PCSK5: variants seen among roughly 807,000 people sequenced by gnomAD.
PCSK5 encodes proprotein convertase subtilisin/kexin type 5, also known as prohormone convertase 5.
A neutral mutation model predicts 233.2 loss-of-function variants in PCSK5; 129 were observed. The ratio of observed to expected loss-of-function variants is 0.55; its 90% CI spans 0.48 to 0.64. The LOEUF (loss-of-function observed/expected upper bound fraction) is 0.64, where lower values mean the gene tolerates loss of function less well. Among genes scored for constraint, PCSK5 ranks in the 30% least tolerant of loss-of-function variants. The probability of loss-of-function intolerance (pLI) is 0.00; values close to 1 mark genes in which losing one functional copy is unlikely to be tolerated. For missense variants in PCSK5, 2,076 were observed against 2,430.1 expected (o/e 0.85, Z 3.06); for synonymous variants, 825 against 879.2 (o/e 0.94, Z 1.09).
rs775599645 is a variant in PCSK5, at chr9:76,328,193, G to A, written c.4524G>A (p.Pro1508=). Residue 1508 remains proline (P), a synonymous_variant, in exon 33 of 38, where the codon CCG becomes CCA. Transcript: ENST00000674117. ...CHVKCFHCMG[P]AEDQCQTCPM... is the part of the protein sequence containing the mutation. Reference sequence around the variant, plus strand: ...TTAAGTGCTTCCACTGCATGGGGCCGGCGGAGGACCAGTGTCAAACATGCC... The same window carrying A: ...TTAAGTGCTTCCACTGCATGGGGCCAGCGGAGGACCAGTGTCAAACATGCC... 48 of 1,612,698 alleles carry A rather than the reference G, an allele frequency of 3.0e-5. No homozygotes were observed. The highest frequency in any genetic ancestry group is 3.3e-4 in the Middle Eastern group (2 of 6,084).
intron 5 of PCSK5, among the ~76,000 whole-genome samples, chr9:76,041,843 GAAAAAA>G (rs66491707): frequency 6.1e-5 from 8 of 131,026 alleles, no homozygotes; most frequent in Non-Finnish European, 1.2e-4. Flanking sequence ...TGTCTCAAGG[GAAAAAA>G]AAAAAAAAAA....
chr9:76,273,742 C>T (rs1157469820), intron 24 of PCSK5, among the ~76,000 whole-genome samples: 1 of 151,234 alleles, frequency 6.6e-6, no homozygotes, highest in East Asian at 1.9e-4. Flanking sequence ...TAGAGATCCT[C>T]TTGCCTCAGT....
chr9:76,141,769 G>A (rs1823236012), intron 10 of PCSK5, among the ~76,000 whole-genome samples: 1 of 152,108 alleles, frequency 6.6e-6, no homozygotes, highest in South Asian at 2.1e-4. Flanking sequence ...AGGTTCATCT[G>A]TGTCATTAAG....
chr9:76,282,531 T>C (rs28795791), intron 24 of PCSK5, among the ~76,000 whole-genome samples: 2,625 of 150,272 alleles, frequency 0.017, 72 homozygotes, highest in African/African-American at 0.059. Flanking sequence ...TTGCCCAGGC[T>C]GATCTCAAAC....
rs1205485720 is a variant in PCSK5, at chr9:76,351,657, GAGAA to G, written c.5067+749_5067+752del. Among the ~76,000 whole-genome samples the G allele has an allele frequency of 3.9e-3, 385 of 97,882 alleles. 2 individuals carry two copies. The highest frequency in any genetic ancestry group is 8.3e-3 in the East Asian group (11 of 1,320). 64.2% of individuals were successfully genotyped at this position (97,882 alleles called of 152,430 possible). ...GAGAGAAAGAAGAAAGAAAGAGAGAGAGAAAGAAAGAAAGAAAGAAAGAGGTAGG... is the reference window on the plus strand; with the variant it reads ...GAGAGAAAGAAGAAAGAAAGAGAGAGAGAAAGAAAGAAAGAAAGAGGTAGG... On this transcript the variant is annotated intron_variant, in intron 36 of 37. Transcript: ENST00000674117.
chr9:76,069,021 A>G (rs988262585), intron 6 of PCSK5, among the ~76,000 whole-genome samples: 34 of 152,340 alleles, frequency 2.2e-4, no homozygotes, highest in Admixed American at 5.9e-4. Context: ...AGAACTAAGA[A>G]AAGGCTTTCT....
chr9:75,910,932 G>A (rs559596526), intron 1 of PCSK5, among the ~76,000 whole-genome samples: 2 of 152,306 alleles, frequency 1.3e-5, no homozygotes, highest in South Asian at 4.1e-4. Flanking sequence ...GATTTAAAAT[G>A]TGATGGTCTG....
At chr9:75,981,908 A>G (rs1201191593) in intron 2 of PCSK5, among the ~76,000 whole-genome samples, 1 of 152,154 alleles carries the variant, frequency 6.6e-6, no homozygotes, top group African/African-American at 2.4e-5. Context: ...TAGTGTGTAT[A>G]GGTAACATAT....
chr9:76,320,848 C>G (rs1390572785), intron 30 of PCSK5, among the ~76,000 whole-genome samples: 1 of 149,430 alleles, frequency 6.7e-6, no homozygotes, highest in Non-Finnish European at 1.5e-5. Flanking sequence ...CAGAGTCTCA[C>G]TCTGTCACCA....
At chr9:76,135,537 T>A (rs936022309) in intron 10 of PCSK5, among the ~76,000 whole-genome samples, 1 of 152,108 alleles carries the variant, frequency 6.6e-6, no homozygotes, top group Non-Finnish European at 1.5e-5. Flanking sequence ...CCCGTTGGCA[T>A]TGCATTCTCT....
At chr9:76,020,840 C>G (rs1429802813) in intron 3 of PCSK5, among the ~76,000 whole-genome samples, 1 of 152,190 alleles carries the variant, frequency 6.6e-6, no homozygotes, top group Non-Finnish European at 1.5e-5. Flanking sequence ...TTTCCTTCCT[C>G]CGGCCCACCT....
intron 2 of PCSK5, among the ~76,000 whole-genome samples, chr9:75,944,506 C>T (rs889304476): frequency 8.5e-5 from 13 of 152,116 alleles, no homozygotes; most frequent in African/African-American, 2.9e-4. Context: ...CCACCTTTCA[C>T]TTGACATCAT....
chr9:76,316,056 T>A (rs1829021241), intron 30 of PCSK5, among the ~76,000 whole-genome samples: 1 of 152,060 alleles, frequency 6.6e-6, no homozygotes, highest in Non-Finnish European at 1.5e-5. Context: ...TGCGTCTTTT[T>A]AGCTCTGTAT....
At chr9:76,094,885 C>T (rs1455015915) in intron 7 of PCSK5, among the ~76,000 whole-genome samples, 1 of 152,204 alleles carries the variant, frequency 6.6e-6, no homozygotes. Flanking sequence ...GCTAGGATTA[C>T]AAGCATGAGC....
chr9:75,903,134 A>G (rs113989056), intron 1 of PCSK5, among the ~76,000 whole-genome samples: 5 of 152,198 alleles, frequency 3.3e-5, no homozygotes, highest in Non-Finnish European at 5.9e-5. Context: ...TATTTTATAT[A>G]GTACAACAAA....
chr9:76,296,944 T>A, intron 27 of PCSK5, 79 bp downstream of exon 27: 6 of 932,834 alleles, frequency 6.4e-6, no homozygotes. Context: ...CTGGTTTTTT[T>A]AGTTATCCAG....
chr9:76,110,034 C>T (rs948793423), intron 9 of PCSK5, among the ~76,000 whole-genome samples: 1 of 152,190 alleles, frequency 6.6e-6, no homozygotes, highest in African/African-American at 2.4e-5. Context: ...CCCAGCCCCA[C>T]CCCTTGCAAT....
chr9:75,966,867 C>A (rs1308836170), intron 2 of PCSK5, among the ~76,000 whole-genome samples: 1 of 152,112 alleles, frequency 6.6e-6, no homozygotes, highest in African/African-American at 2.4e-5. Context: ...CTATTTCTAC[C>A]ACAGTGTATG....
At chr9:76,222,671 G>A (rs1825765635) in intron 20 of PCSK5, among the ~76,000 whole-genome samples, 1 of 152,090 alleles carries the variant, frequency 6.6e-6, no homozygotes, top group Non-Finnish European at 1.5e-5. Flanking sequence ...GAGTTTGTCG[G>A]AATTTCCTTT....
Sources: allele counts gnomAD v4.1 joint callset (sites outside exome capture counted in the v4.1 genomes callset), GRCh38; gene constraint gnomAD v4.1.1; transcripts MANE v1.5; gene names NCBI Gene and HGNC (gene_info 2026-07-23, HGNC 2026-07-21).